TMEM127: variants seen among roughly 807,000 people sequenced by gnomAD.
TMEM127 encodes transmembrane protein 127.
A neutral mutation model predicts 20.1 loss-of-function variants in TMEM127; 21 were observed. The ratio of observed to expected loss-of-function variants is 1.04; its 90% CI spans 0.74 to 1.50. The LOEUF is 1.50. Ranked by LOEUF, TMEM127 falls within the 40% of genes most tolerant of loss-of-function variation. The pLI is 0.00. For missense variants in TMEM127, 303 were observed against 317.4 expected, an observed-to-expected ratio of 0.95 and a Z score of 0.34; for synonymous variants, 150 against 144.7, an observed-to-expected ratio of 1.04 and a Z score of -0.26.
intron 2 of TMEM127, among the ~76,000 whole-genome samples, chr2:96,259,378 G>C (rs1443782892): frequency 6.6e-6 from 1 of 152,186 alleles, no homozygotes; most frequent in Non-Finnish European, 1.5e-5. Flanking sequence ...TACCAGACTC[G>C]GCCACTGTAT....
intron 2 of TMEM127, among the ~76,000 whole-genome samples, chr2:96,264,926 A>G (rs1254444009): frequency 6.6e-6 from 1 of 152,224 alleles, no homozygotes; most frequent in Non-Finnish European, 1.5e-5. Context: ...AGTCCGGATT[A>G]ACATGGCTGT....
At chr2:96,256,492 A>T (rs1243346235) in intron 2 of TMEM127, among the ~76,000 whole-genome samples, 4 of 150,094 alleles carry the variant, frequency 2.7e-5, no homozygotes. Context: ...AATTGCTTGA[A>T]CCTGGGAGAT....
Position 96,252,406 on chromosome 2 carries a change from G to A in TMEM127, c.*1402C>T, listed in dbSNP as rs1273542577. 8.6e-6 allele frequency: 2 copies of A among 233,498 alleles called. No individual in the cohort carries two copies. Among genetic ancestry groups the A allele is most frequent in the African/African-American group, 2.2e-5 (1 of 45,362 alleles). The allele number at this position is 233,498 out of a possible 1,614,324, so 14.5% of individuals were successfully genotyped here. On this transcript the variant is annotated 3_prime_UTR_variant, in exon 4 of 4. Transcript: ENST00000258439. The surrounding 1 kb of genome is among the most constrained non-coding windows in gnomAD (Gnocchi z 4.2). ...CAGGTTGGCCATCTGGATCTACACT[G>A]AAGGTCTTTCAAGTTTCATCCACTT...
chr2:96,255,039 T>C (rs764379551), intron 2 of TMEM127, 42 bp from the exon 3 acceptor site: 1 of 1,612,920 alleles, frequency 6.2e-7, no homozygotes, highest in Non-Finnish European at 8.5e-7. Flanking sequence ...CAAGTAACAC[T>C]TGGTGCAGGA....
Position 96,254,243 on chromosome 2 carries a change from G to A in TMEM127, c.410-128C>T, listed in dbSNP as rs1010275194. ...GAGAACCTGCCTGGCCCCAGACTCT[G>A]CAAGGAGGAGCTCTCTTGACCATGG... On this transcript the variant is annotated intron_variant, in intron 3 of 3. Coordinates refer to ENST00000258439, the MANE Select transcript of TMEM127 (RefSeq NM_017849.4). The A allele has an allele frequency of 6.6e-6, 8 of 1,218,160 alleles. No homozygotes were observed. In the African/African-American group the frequency reaches 7.5e-5, roughly 11 times the overall value. The allele number at this position is 1,218,160 out of a possible 1,614,324, so 75.5% of individuals were successfully genotyped here.
intron 2 of TMEM127, among the ~76,000 whole-genome samples, chr2:96,263,423 C>T (rs1287299412): frequency 2.0e-5 from 3 of 147,240 alleles, no homozygotes; most frequent in Non-Finnish European, 3.0e-5. Flanking sequence ...AGCGCAATGG[C>T]GCGATCTCAG....
At position 96,254,928 on chromosome 2, in the gene TMEM127, A is replaced by AG; in HGVS notation, c.313dup (p.Leu105ProfsTer3). On this transcript the variant is annotated frameshift_variant, in exon 3 of 4. Transcript: ENST00000258439. LOFTEE classifies it high-confidence loss of function. The stretch of plus-strand genomic sequence containing the variant: ...CAGAAGGAAAGCGGAGAGACTACAC[A>AG]GGATGCCCAGGAAACAGAAGGCGGC... 1 of 1,614,238 alleles carries AG rather than the reference A, an allele frequency of 6.2e-7. No homozygotes were observed. The highest frequency in any genetic ancestry group is 8.5e-7 in the Non-Finnish European group (1 of 1,180,036).
In TMEM127 at chr2:96,255,838, G is replaced by C. The variant is rs575251599; in HGVS notation, c.245-841C>G. On this transcript the variant is annotated intron_variant, in intron 2 of 3. Transcript: ENST00000258439. ...TTGAGGAAAAAAAAAAAATTAGCTG[G>C]GCATGGTGGCGCATGCCTATAGTCT... Among the ~76,000 whole-genome samples, 8 of 152,124 alleles carry C rather than the reference G, an allele frequency of 5.3e-5. No homozygotes were observed. The East Asian group carries it at 1.4e-3, about 26-fold the overall frequency.
chr2:96,254,744 G>T, intron 3 of TMEM127, 89 bp downstream of exon 3: 1 of 1,560,450 alleles, frequency 6.4e-7, no homozygotes, highest in Non-Finnish European at 8.8e-7. Context: ...TGCCTGCTCA[G>T]AGAAACCAGA....
Position 96,253,772 on chromosome 2 carries a change from G to A in TMEM127, c.*36C>T. On this transcript the variant is annotated 3_prime_UTR_variant, in exon 4 of 4. Transcript: ENST00000258439. The surrounding 1 kb of genome is among the most constrained non-coding windows in gnomAD (Gnocchi z 4.3). ...GTGCGAGAGGAGCTGCAGAGTTGAG[G>A]GAGGGGCTGCCGAGGAAGAGAGCCC... 8 of 1,585,964 alleles carry A rather than the reference G, an allele frequency of 5.0e-6. No homozygotes were observed. The highest frequency in any genetic ancestry group is 6.9e-6 in the Non-Finnish European group (8 of 1,162,736).
chr2:96,254,061 A>T lies in TMEM127; in HGVS notation c.464T>A (p.Leu155Ter), dbSNP rs886039439. The change falls in exon 4 of 4, where the codon TTG (leucine) becomes TAG (stop). Residue 155 changes from leucine (L) to a stop codon, truncating the protein, a stop_gained. Transcript: ENST00000258439. LOFTEE classifies it high-confidence loss of function. The stretch of plus-strand genomic sequence containing the variant: ...CTTCTTATGCTGCTGCTGCTGGGCC[A>T]AGATGAGTTCAGAAGCCCAATAAGA... ...GFSYWASELI[L>*]AQQQQHKKYH... 11 of 1,614,038 alleles carry T rather than the reference A, an allele frequency of 6.8e-6. No individual in the cohort carries two copies. The highest frequency in any genetic ancestry group is 1.3e-5 in the African/African-American group (1 of 74,914).
chr2:96,253,335 C>T lies in TMEM127; in HGVS notation c.*473G>A, dbSNP rs767778556. The T allele has an allele frequency of 3.3e-5, 8 of 244,182 alleles. No individual in the cohort carries two copies. The highest frequency in any genetic ancestry group is 5.9e-5 in the East Asian group (1 of 16,928). The allele number at this position is 244,182 out of a possible 1,614,324, so 15.1% of individuals were successfully genotyped here. A position where few individuals can be genotyped will look rare whatever the true frequency, so the allele number is the denominator to read the frequency against. On this transcript the variant is annotated 3_prime_UTR_variant, in exon 4 of 4. Transcript: ENST00000258439. The surrounding 1 kb of genome is among the most constrained non-coding windows in gnomAD (Gnocchi z 4.3). The stretch of plus-strand genomic sequence containing the variant: ...CAGGTGGCCTGGGGGCGGGTCACTC[C>T]GAGAAGGAAGGGGTCTGGGGGGCGT...
chr2:96,256,138 G>A (rs534178387), intron 2 of TMEM127, among the ~76,000 whole-genome samples: 3 of 151,824 alleles, frequency 2.0e-5, no homozygotes, highest in Non-Finnish European at 2.9e-5. Context: ...GGGTGTGATC[G>A]CATGCGCCTG....
chr2:96,263,887 T>C lies in TMEM127; in HGVS notation c.244+1251A>G, dbSNP rs568478139. On this transcript the variant is annotated intron_variant, in intron 2 of 3. Coordinates refer to ENST00000258439, the MANE Select transcript of TMEM127 (RefSeq NM_017849.4). The stretch of plus-strand genomic sequence containing the variant: ...GTGCTAAAAGAAAAACCACCAAGAC[T>C]CACTCAAGCTTAATGCTCTTTGTGC... 3.3e-5 allele frequency among the ~76,000 whole-genome samples: 5 copies of C among 152,150 alleles called. No individual in the cohort carries two copies. The East Asian group carries it at 5.8e-4, about 18-fold the overall frequency.
chr2:96,249,671 G>C lies in TMEM127; in HGVS notation c.*4137C>G, dbSNP rs1461357689. 1 of 232,846 alleles carries C rather than the reference G, an allele frequency of 4.3e-6. No homozygotes were observed. Among genetic ancestry groups the C allele is most frequent in the Non-Finnish European group, 8.5e-6 (1 of 117,852 alleles). 14.4% of individuals were successfully genotyped at this position (232,846 alleles called of 1,614,324 possible). Reference sequence around the variant, plus strand: ...TAAAATGTCACTCCCCCCAAAAAATGCAGAGGAAGAGGTAAGATTGCAGGC... The same window carrying C: ...TAAAATGTCACTCCCCCCAAAAAATCCAGAGGAAGAGGTAAGATTGCAGGC... On this transcript the variant is annotated 3_prime_UTR_variant, in exon 4 of 4. Transcript: ENST00000258439.
chr2:96,254,240 T>C, intron 3 of TMEM127, 125 bp from the exon 4 acceptor site: 1 of 1,292,660 alleles, frequency 7.7e-7, no homozygotes, highest in Non-Finnish European at 1.1e-6. Flanking sequence ...GGCCCCAGAC[T>C]CTGCAAGGAG....
At position 96,252,148 on chromosome 2, in the gene TMEM127, G is replaced by C. The variant is rs1392509262; in HGVS notation, c.*1660C>G. 4 of 233,306 alleles carry C rather than the reference G, an allele frequency of 1.7e-5. No individual in the cohort carries two copies. The highest frequency in any genetic ancestry group is 6.6e-5 in the African/African-American group (3 of 45,362). 14.5% of individuals were successfully genotyped at this position (233,306 alleles called of 1,614,324 possible). ...GAACTGCAAGCAGCCACTGGCTCGT[G>C]TGCAGATGTGGCCCTCACCACCCAT... On this transcript the variant is annotated 3_prime_UTR_variant, in exon 4 of 4. Transcript: ENST00000258439. The surrounding 1 kb of genome is among the most constrained non-coding windows in gnomAD (Gnocchi z 4.2).
intron 3 of TMEM127, 128 bp from the exon 4 acceptor site, chr2:96,254,243 G>T: frequency 8.2e-7 from 1 of 1,218,274 alleles, no homozygotes; most frequent in Non-Finnish European, 1.2e-6. Context: ...CCCAGACTCT[G>T]CAAGGAGGAG....
rs1480368706 is a variant in TMEM127 at position 96,249,855 on chromosome 2, C to T, written c.*3953G>A. The T allele has an allele frequency of 8.6e-6, 2 of 233,220 alleles. No homozygotes were observed. The highest frequency in any genetic ancestry group is 1.7e-5 in the Non-Finnish European group (2 of 118,132). 14.4% of individuals were successfully genotyped at this position (233,220 alleles called of 1,614,324 possible). A position where few individuals can be genotyped will look rare whatever the true frequency, so the allele number is the denominator to read the frequency against. On this transcript the variant is annotated 3_prime_UTR_variant, in exon 4 of 4. Transcript: ENST00000258439. Reference sequence around the variant, plus strand: ...GGAAAGCCGCCCTGCCCCAGATGCACCACCTCTTCCTGTGTCCCAGGGTCC... The same window carrying T: ...GGAAAGCCGCCCTGCCCCAGATGCATCACCTCTTCCTGTGTCCCAGGGTCC...
Sources: allele counts gnomAD v4.1 joint callset (sites outside exome capture counted in the v4.1 genomes callset), GRCh38; gene constraint gnomAD v4.1.1; non-coding constraint Gnocchi (gnomAD v3.1); transcripts MANE v1.5; gene names NCBI Gene and HGNC (gene_info 2026-07-23, HGNC 2026-07-21).